The following NFATC1 variants were observed in gnomAD, a reference collection of about 807,000 sequenced individuals.
The protein encoded by NFATC1 is nuclear factor of activated T cells 1, also known as nuclear factor of activated T-cells, cytoplasmic 1.
A neutral mutation model predicts 76.0 loss-of-function variants in NFATC1; 22 were observed. The ratio of observed to expected loss-of-function variants is 0.29; its 90% CI spans 0.21 to 0.41. The LOEUF is 0.41. Ranked by LOEUF, NFATC1 falls within the 10% of genes least tolerant of loss-of-function variation. The pLI, the probability that NFATC1 is intolerant of heterozygous loss-of-function variation, is 1.00. For missense variants in NFATC1, 1,357 were observed against 1,337.7 expected (o/e 1.01, Z -0.23); for synonymous variants, 704 against 613.1 (o/e 1.15, Z -2.19).
chr18:79,453,677 G>A (rs913557355), intron 6 of NFATC1, among the ~76,000 whole-genome samples: 13 of 152,250 alleles, frequency 8.5e-5, no homozygotes, highest in African/African-American at 2.2e-4. Flanking sequence ...ACCAGCCGGC[G>A]TCTGGTATAC....
intron 9 of NFATC1, among the ~76,000 whole-genome samples, chr18:79,509,876 A>G (rs557675853): frequency 5.9e-5 from 9 of 152,332 alleles, no homozygotes; most frequent in African/African-American, 1.9e-4. Flanking sequence ...GAAATGGACC[A>G]AGACTTATCG....
At chr18:79,521,093 G>A (rs2090540882) in intron 9 of NFATC1, among the ~76,000 whole-genome samples, 3 of 99,018 alleles carry the variant, frequency 3.0e-5, no homozygotes, top group Non-Finnish European at 4.0e-5. Flanking sequence ...ATCCGCTGAT[G>A]TGTGTGTCTG....
chr18:79,426,730 G>C (rs1041576442), intron 2 of NFATC1, among the ~76,000 whole-genome samples: 5 of 152,264 alleles, frequency 3.3e-5, no homozygotes, highest in Admixed American at 1.3e-4. Flanking sequence ...GTTGCATCTG[G>C]CTCAGTGAGA....
intron 1 of NFATC1, among the ~76,000 whole-genome samples, chr18:79,396,643 C>T (rs1367931347): frequency 1.3e-5 from 2 of 152,158 alleles, no homozygotes; most frequent in East Asian, 3.9e-4. Context: ...CGCAGGCCGG[C>T]GATTTGGGGA....
rs369146482 is a variant in NFATC1, at chr18:79,494,884, C to T, written c.2782+7947C>T. On this transcript the variant is annotated intron_variant, in intron 9 of 9. Coordinates refer to ENST00000427363, the MANE Select transcript of NFATC1 (RefSeq NM_001278669.2). ...GGGGGAAGGCGAGAGCGGGCACACG[C>T]CCCCCATGAACCTGGTACCGCCGGG... is the stretch of plus-strand genomic sequence containing the variant. 1.5e-4 allele frequency among the ~76,000 whole-genome samples: 21 copies of T among 142,978 alleles called. No individual in the cohort carries two copies. The South Asian group carries it at 1.9e-3, about 13-fold the overall frequency. 93.8% of individuals were successfully genotyped at this position (142,978 alleles called of 152,430 possible). A position where few individuals can be genotyped will look rare whatever the true frequency, so the allele number is the denominator to read the frequency against.
chr18:79,523,452 G>C (rs987346077), intron 9 of NFATC1, among the ~76,000 whole-genome samples: 1 of 152,254 alleles, frequency 6.6e-6, no homozygotes, highest in African/African-American at 2.4e-5. Context: ...AGAAGAAACT[G>C]GTTATGTGAA....
chr18:79,484,292 C>G (rs1569019298), intron 8 of NFATC1, among the ~76,000 whole-genome samples: 1 of 152,120 alleles, frequency 6.6e-6, no homozygotes, highest in Non-Finnish European at 1.5e-5. Context: ...CCAGGAAGGC[C>G]TGGCACGACC....
intron 9 of NFATC1, among the ~76,000 whole-genome samples, chr18:79,522,387 T>C (rs888165542): frequency 2.7e-5 from 1 of 37,614 alleles, no homozygotes; most frequent in Admixed American, 4.1e-4. Context: ...TGGGGGGGGG[T>C]GCGTCCACGG....
intron 9 of NFATC1, chr18:79,496,067 G>A (rs1012324299): frequency 3.9e-5 from 6 of 152,662 alleles, no homozygotes; most frequent in Non-Finnish European, 8.8e-5. Flanking sequence ...TAAGGCATTC[G>A]CAAGTGTGTC....
chr18:79,410,165 A>C lies in NFATC1; in HGVS notation c.128-238A>C. ...CGGGGGCTTGTGCTGCTGTTAGGGGAGGAGGGGAGGTGGGCAGTGAGGGGC... is the reference window on the plus strand; with the variant it reads ...CGGGGGCTTGTGCTGCTGTTAGGGGCGGAGGGGAGGTGGGCAGTGAGGGGC... On this transcript the variant is annotated intron_variant, in intron 1 of 9. Transcript: ENST00000427363. This position sits in a 1 kb window ranked among gnomAD's most constrained non-coding sequence, Gnocchi z 6.7. The C allele has an allele frequency of 1.3e-6, 1 of 758,668 alleles. No homozygotes were observed. The highest frequency in any genetic ancestry group is 1.4e-5 in the South Asian group (1 of 72,402). The allele number at this position is 758,668 out of a possible 1,614,324, so 47.0% of individuals were successfully genotyped here.
At position 79,467,856 on chromosome 18, in the gene NFATC1, C is replaced by A. The variant is rs768294675; in HGVS notation, c.2092+274C>A. ...TTGCTTCTTGCGAATGTATAACAGC[C>A]AAGGGGAAAACATGGCTCTTCTGCT... is the stretch of plus-strand genomic sequence containing the variant. On this transcript the variant is annotated intron_variant, in intron 8 of 9. Transcript: ENST00000427363. 4.1e-5 allele frequency: 49 copies of A among 1,185,414 alleles called. No homozygotes were observed. The Middle Eastern group carries it at 1.7e-3, about 42-fold the overall frequency. The allele number at this position is 1,185,414 out of a possible 1,614,324, so 73.4% of individuals were successfully genotyped here. A position where few individuals can be genotyped will look rare whatever the true frequency, so the allele number is the denominator to read the frequency against.
At chr18:79,434,746 T>G (rs970891864) in intron 3 of NFATC1, among the ~76,000 whole-genome samples, 4 of 152,198 alleles carry the variant, frequency 2.6e-5, no homozygotes, top group Admixed American at 1.3e-4. Context: ...AGATAAATAG[T>G]GGAGAGAAGG....
chr18:79,398,088 C>T (rs1253829628), intron 1 of NFATC1, among the ~76,000 whole-genome samples: 1 of 152,140 alleles, frequency 6.6e-6, no homozygotes, highest in African/African-American at 2.4e-5. Context: ...CATTCCTGGC[C>T]CATCTGAGGA....
At chr18:79,466,669 G>A (rs533316024) in intron 7 of NFATC1, among the ~76,000 whole-genome samples, 120 of 152,336 alleles carry the variant, frequency 7.9e-4, no homozygotes, top group South Asian at 1.7e-3. Context: ...CTGTGCCTCC[G>A]TGCCCTTGGC....
chr18:79,410,506 G>C lies in NFATC1; in HGVS notation c.231G>C (p.Pro77=), dbSNP rs781085351. Residue 77 remains proline (P), a synonymous_variant, in exon 2 of 10, where the codon CCG becomes CCC. Coordinates refer to ENST00000427363, the MANE Select transcript of NFATC1 (RefSeq NM_001278669.2). The surrounding 1 kb of genome is among the most constrained non-coding windows in gnomAD (Gnocchi z 6.7). ...GCCACAACCTTCAGACCTCCACACC[G>C]GGCATCATCCCGCCGGCGGATCACC... The part of the protein sequence containing the change: ...APCHNLQTST[P]GIIPPADHPS... 2.5e-6 allele frequency: 4 copies of C among 1,611,942 alleles called. No individual in the cohort carries two copies. The highest frequency in any genetic ancestry group is 3.3e-5 in the Admixed American group (2 of 60,016).
At chr18:79,498,567 T>C (rs554474031) in intron 9 of NFATC1, among the ~76,000 whole-genome samples, 5 of 152,200 alleles carry the variant, frequency 3.3e-5, no homozygotes, top group Admixed American at 6.5e-5. Flanking sequence ...CATATACACA[T>C]GCATAATGAG....
intron 7 of NFATC1, among the ~76,000 whole-genome samples, chr18:79,462,084 C>T (rs1032590980): frequency 2.6e-5 from 4 of 152,164 alleles, no homozygotes; most frequent in African/African-American, 7.2e-5. Flanking sequence ...TGCATACAGC[C>T]GGTGCCTGAG....
chr18:79,484,089 C>T (rs1252117909), intron 8 of NFATC1, among the ~76,000 whole-genome samples: 8 of 151,396 alleles, frequency 5.3e-5, no homozygotes, highest in African/African-American at 7.3e-5. Flanking sequence ...GTGACCTCGG[C>T]GGCACTTGCA....
At chr18:79,414,099 G>C (rs879830235) in intron 2 of NFATC1, among the ~76,000 whole-genome samples, 1 of 152,132 alleles carries the variant, frequency 6.6e-6, no homozygotes. Context: ...CCTCGTCAGC[G>C]GGTGCCCTGG....
Sources: gnomAD v4.1 joint callset for allele counts (sites outside exome capture counted in the v4.1 genomes callset) on GRCh38, gnomAD v4.1.1 for gene constraint, Gnocchi (gnomAD v3.1) non-coding constraint, MANE v1.5 for transcripts, NCBI Gene and HGNC (gene_info 2026-07-23, HGNC 2026-07-21) for gene names.